SLC35F2: variants seen among roughly 807,000 people sequenced by gnomAD.
SLC35F2 encodes solute carrier family 35 member F2.
A neutral mutation model predicts 38.1 loss-of-function variants in SLC35F2; 25 were observed. That is an observed-to-expected ratio of 0.66 (90% CI 0.48 to 0.92). The LOEUF (loss-of-function observed/expected upper bound fraction) is 0.92. Among genes scored for constraint, SLC35F2 ranks in the 40% least tolerant of loss-of-function variants. The probability of loss-of-function intolerance (pLI) is 0.00; values close to 1 mark genes in which losing one functional copy is unlikely to be tolerated. For missense variants in SLC35F2, 409 were observed against 452.9 expected (o/e 0.90, Z 0.88); for synonymous variants, 173 against 181.7 (o/e 0.95, Z 0.38).
At chr11:107,854,366 G>A (rs1356172476) in intron 1 of SLC35F2, among the ~76,000 whole-genome samples, 5 of 151,920 alleles carry the variant, frequency 3.3e-5, no homozygotes, top group Non-Finnish European at 7.4e-5. Flanking sequence ...CACGGAGGTC[G>A]AGGCTGCAGT....
chr11:107,810,340 G>A (rs1859462657), intron 3 of SLC35F2: 2 of 985,070 alleles, frequency 2.0e-6, no homozygotes, highest in Non-Finnish European at 2.4e-6. Flanking sequence ...CTATCCAACT[G>A]TAAGTGTTCT....
At chr11:107,832,984 T>C (rs1203290299) in intron 1 of SLC35F2, among the ~76,000 whole-genome samples, 1 of 152,222 alleles carries the variant, frequency 6.6e-6, no homozygotes, top group Non-Finnish European at 1.5e-5. Flanking sequence ...TGATCCTCTG[T>C]TGACAATTTG....
chr11:107,818,661 A>G (rs1859620899), intron 1 of SLC35F2, among the ~76,000 whole-genome samples: 1 of 152,148 alleles, frequency 6.6e-6, no homozygotes, highest in Admixed American at 6.5e-5. Context: ...CCATATTGAT[A>G]CATGAGTTCT....
At chr11:107,856,732 G>C (rs1413819671) in intron 1 of SLC35F2, among the ~76,000 whole-genome samples, 1 of 147,996 alleles carries the variant, frequency 6.8e-6, no homozygotes, top group African/African-American at 2.5e-5. Context: ...CGTCAGGAGG[G>C]AGGGAGGGAG....
chr11:107,815,705 T>A, intron 2 of SLC35F2, 85 bp downstream of exon 2: 1 of 1,449,590 alleles, frequency 6.9e-7, no homozygotes, highest in Non-Finnish European at 9.3e-7. Context: ...GTCACTACTT[T>A]CACAGAATTT....
chr11:107,799,545 C>A (rs1859272181), intron 7 of SLC35F2, among the ~76,000 whole-genome samples: 1 of 152,148 alleles, frequency 6.6e-6, no homozygotes, highest in Non-Finnish European at 1.5e-5. Context: ...CTGCACCCAT[C>A]AGGATGACTT....
At chr11:107,797,507 G>A (rs1859238918) in intron 7 of SLC35F2, among the ~76,000 whole-genome samples, 1 of 152,048 alleles carries the variant, frequency 6.6e-6, no homozygotes, top group South Asian at 2.1e-4. Flanking sequence ...GGGCAACATA[G>A]TGAGACCCTA....
chr11:107,849,150 G>A (rs1469397853), intron 1 of SLC35F2, among the ~76,000 whole-genome samples: 1 of 152,134 alleles, frequency 6.6e-6, no homozygotes, highest in Non-Finnish European at 1.5e-5. Flanking sequence ...GAGGATTGAT[G>A]AAATATAAGT....
chr11:107,836,623 A>G (rs1259459134), intron 1 of SLC35F2, among the ~76,000 whole-genome samples: 1 of 152,186 alleles, frequency 6.6e-6, no homozygotes, highest in African/African-American at 2.4e-5. Flanking sequence ...GTCACAAGCC[A>G]AGGAAGGCAG....
intron 4 of SLC35F2, among the ~76,000 whole-genome samples, chr11:107,806,254 T>C (rs1003599065): frequency 2.0e-5 from 3 of 152,228 alleles, no homozygotes; most frequent in South Asian, 2.1e-4. Flanking sequence ...ATGGAGTTCA[T>C]TGAAGGGGTA....
chr11:107,816,331 G>C (rs2134794623), intron 1 of SLC35F2: 2 of 973,140 alleles, frequency 2.1e-6, no homozygotes, highest in South Asian at 4.8e-5. Flanking sequence ...GCTCAGGCTA[G>C]AGTGCAGTGG....
chr11:107,798,607 C>G (rs1267752403), intron 7 of SLC35F2, among the ~76,000 whole-genome samples: 1 of 152,140 alleles, frequency 6.6e-6, no homozygotes, highest in Non-Finnish European at 1.5e-5. Flanking sequence ...CTTTATTCAG[C>G]AAATATTCAC....
intron 7 of SLC35F2, chr11:107,793,007 C>T (rs973838968): frequency 1.3e-6 from 1 of 747,188 alleles, no homozygotes; most frequent in East Asian, 1.3e-4. Flanking sequence ...ACCTCCACCT[C>T]CCAGGCTCCA....
chr11:107,816,015 TACACACACACACACACACACACAC>T (rs370565333), intron 1 of SLC35F2, 50 bp from the exon 2 acceptor site: 2 of 1,228,832 alleles, frequency 1.6e-6, no homozygotes, highest in African/African-American at 3.5e-5. Context: ...AGTTATACCT[TACACACACACACACACACACACAC>T]ACACACACAC....
chr11:107,840,075 T>C (rs1565439551), intron 1 of SLC35F2, among the ~76,000 whole-genome samples: 2 of 152,024 alleles, frequency 1.3e-5, no homozygotes, highest in African/African-American at 4.8e-5. Flanking sequence ...GGGCAATATA[T>C]GGAGTATGTG....
intron 1 of SLC35F2, among the ~76,000 whole-genome samples, chr11:107,841,541 C>A (rs958881897): frequency 9.0e-6 from 1 of 111,540 alleles, no homozygotes; most frequent in Non-Finnish European, 1.7e-5. Flanking sequence ...CCAGCCTAGA[C>A]GAAAGAGACT....
At chr11:107,807,280 A>C (rs1339111400) in intron 3 of SLC35F2, among the ~76,000 whole-genome samples, 1 of 90,158 alleles carries the variant, frequency 1.1e-5, no homozygotes, top group African/African-American at 5.0e-5. Flanking sequence ...ACAAAAAAAA[A>C]AAAAAACAAC....
intron 1 of SLC35F2, among the ~76,000 whole-genome samples, chr11:107,836,810 A>C (rs1472896024): frequency 6.6e-6 from 1 of 152,244 alleles, no homozygotes; most frequent in African/African-American, 2.4e-5. Context: ...ATTGGTGGTA[A>C]TTTGTTATGA....
chr11:107,843,864 AAAAAATATATATATATAT>A (rs1209798225), intron 1 of SLC35F2, among the ~76,000 whole-genome samples: 1,073 of 35,034 alleles, frequency 0.031, 51 homozygotes, highest in African/African-American at 0.1. Context: ...AAAAAAAAAA[AAAAAATATATATATATAT>A]ATATATATAT....
Sources: gnomAD v4.1 joint callset for allele counts (sites outside exome capture counted in the v4.1 genomes callset) on GRCh38, gnomAD v4.1.1 for gene constraint, MANE v1.5 for transcripts, NCBI Gene and HGNC (gene_info 2026-07-23, HGNC 2026-07-21) for gene names.